The following CPNE4 variants were observed in gnomAD, a reference collection of about 807,000 sequenced individuals.
CPNE4 encodes copine-4.
Under a neutral mutation model 67.9 loss-of-function variants are expected in CPNE4, and 25 were observed. The ratio of observed to expected loss-of-function variants is 0.37; its 90% CI spans 0.27 to 0.51. CPNE4 has a LOEUF of 0.51. CPNE4 is among the 20% of genes least tolerant of loss of function. The pLI is 0.93. For synonymous variants in CPNE4, 242 were observed against 244.9 expected (o/e 0.99, Z 0.11); for missense variants, 464 against 690.8 (o/e 0.67, Z 3.68).
chr3:131,541,747 T>C (rs1301261855), intron 15 of CPNE4, among the ~76,000 whole-genome samples: 4 of 151,668 alleles, frequency 2.6e-5, no homozygotes, highest in Non-Finnish European at 5.9e-5. Flanking sequence ...CTCGGCTCAC[T>C]GCAACCTCCA....
In CPNE4 at chr3:131,801,372, CATAT is replaced by C. The variant is rs201764210; in HGVS notation, c.181-77751_181-77748del. Among the ~76,000 whole-genome samples the C allele has an allele frequency of 7.0e-5, 6 of 86,212 alleles. No homozygotes were observed. The Admixed American group carries it at 8.4e-4, about 12-fold the overall frequency. The allele number at this position is 86,212 out of a possible 152,430, so 56.6% of individuals were successfully genotyped here. A position where few individuals can be genotyped will look rare whatever the true frequency, so the allele number is the denominator to read the frequency against. On this transcript the variant is annotated intron_variant, in intron 2 of 15. Coordinates refer to ENST00000429747, the MANE Select transcript of CPNE4 (RefSeq NM_130808.3). ...ATATGTACCATATATATATATGTAC[CATAT>C]ATATATATATGGTACATATATATAT... is the stretch of plus-strand genomic sequence containing the variant.
At chr3:131,656,488 G>T (rs2079970179) in intron 7 of CPNE4, among the ~76,000 whole-genome samples, 1 of 152,144 alleles carries the variant, frequency 6.6e-6, no homozygotes, top group South Asian at 2.1e-4. Flanking sequence ...CTGGTACAAT[G>T]TCATCAATGG....
intron 2 of CPNE4, among the ~76,000 whole-genome samples, chr3:131,860,301 C>T (rs577470679): frequency 6.1e-4 from 93 of 152,198 alleles, no homozygotes; most frequent in African/African-American, 2.0e-3. Context: ...ATTTTAGAAA[C>T]GGTACATATA....
chr3:131,953,909 CAAAG>C (rs2071856253), intron 1 of CPNE4, among the ~76,000 whole-genome samples: 1 of 152,034 alleles, frequency 6.6e-6, no homozygotes, highest in Non-Finnish European at 1.5e-5. Flanking sequence ...TTTCCTAACA[CAAAG>C]AAAGGAAAAC....
At chr3:131,943,986 T>A (rs1242903006) in intron 1 of CPNE4, among the ~76,000 whole-genome samples, 2 of 152,128 alleles carry the variant, frequency 1.3e-5, no homozygotes, top group African/African-American at 2.4e-5. Context: ...GCCACATACA[T>A]ATCTTAATTC....
intron 2 of CPNE4, among the ~76,000 whole-genome samples, chr3:131,731,783 G>A (rs990405376): frequency 6.6e-6 from 1 of 152,076 alleles, no homozygotes; most frequent in Non-Finnish European, 1.5e-5. Context: ...TAGCCACATG[G>A]GGACAGTACT....
chr3:131,927,777 A>T (rs1490334814), intron 1 of CPNE4, among the ~76,000 whole-genome samples: 4 of 152,132 alleles, frequency 2.6e-5, no homozygotes, highest in Admixed American at 2.6e-4. Flanking sequence ...TACTTCCCTC[A>T]TCGCCACCAT....
At chr3:131,796,775 C>T (rs1177624100) in intron 2 of CPNE4, among the ~76,000 whole-genome samples, 1 of 152,134 alleles carries the variant, frequency 6.6e-6, no homozygotes, top group Admixed American at 6.5e-5. Context: ...ACAGAAACCT[C>T]CCACTCAAAG....
chr3:131,991,896 G>C (rs1344340108), intron 1 of CPNE4, among the ~76,000 whole-genome samples: 2 of 136,290 alleles, frequency 1.5e-5, no homozygotes, highest in African/African-American at 4.9e-5. Flanking sequence ...TCAGGCTGTG[G>C]CTTCAGAGGG....
intron 2 of CPNE4, among the ~76,000 whole-genome samples, chr3:131,774,733 C>CT (rs2083253949): frequency 1.3e-5 from 2 of 152,094 alleles, no homozygotes; most frequent in Admixed American, 1.3e-4. Context: ...CCTTTGCTGC[C>CT]TTTCACTTCC....
intron 1 of CPNE4, among the ~76,000 whole-genome samples, chr3:131,935,231 C>T (rs1010074838): frequency 1.3e-5 from 2 of 151,958 alleles, no homozygotes; most frequent in South Asian, 2.1e-4. Context: ...CAGGCAGTTG[C>T]AATGGATTGA....
At chr3:131,790,756 A>G (rs1443284969) in intron 2 of CPNE4, among the ~76,000 whole-genome samples, 1 of 152,138 alleles carries the variant, frequency 6.6e-6, no homozygotes, top group Admixed American at 6.6e-5. Context: ...TTTATTTGAG[A>G]AAAAAACCCC....
At chr3:131,572,372 G>C (rs114885845) in intron 10 of CPNE4, among the ~76,000 whole-genome samples, 1 of 152,084 alleles carries the variant, frequency 6.6e-6, no homozygotes, top group Non-Finnish European at 1.5e-5. Context: ...TCAGGACAGG[G>C]CACCTGACAG....
At chr3:131,687,935 C>T (rs1420725494) in intron 5 of CPNE4, among the ~76,000 whole-genome samples, 1 of 152,052 alleles carries the variant, frequency 6.6e-6, no homozygotes. Context: ...GGGGGATACC[C>T]CAAGTAATTT....
chr3:131,575,547 T>C (rs943805391), intron 9 of CPNE4, among the ~76,000 whole-genome samples: 1 of 152,154 alleles, frequency 6.6e-6, no homozygotes, highest in Non-Finnish European at 1.5e-5. Flanking sequence ...TAGGCAGTTT[T>C]AAAATACCAT....
At chr3:131,872,678 G>A (rs569195854) in intron 2 of CPNE4, among the ~76,000 whole-genome samples, 1 of 152,312 alleles carries the variant, frequency 6.6e-6, no homozygotes, top group African/African-American at 2.4e-5. Flanking sequence ...AGTATAAAAA[G>A]CAGTATGACT....
chr3:132,010,700 G>T (rs573392386), intron 1 of CPNE4, among the ~76,000 whole-genome samples: 3 of 152,150 alleles, frequency 2.0e-5, no homozygotes, highest in East Asian at 1.9e-4. Context: ...CAGAGGGGCC[G>T]TGACTCTCTT....
intron 7 of CPNE4, among the ~76,000 whole-genome samples, chr3:131,643,439 C>T (rs1263367417): frequency 6.6e-6 from 1 of 152,204 alleles, no homozygotes; most frequent in Non-Finnish European, 1.5e-5. Context: ...CCTGTACCCT[C>T]ATTGCATCTA....
intron 3 of CPNE4, among the ~76,000 whole-genome samples, chr3:131,703,847 A>G (rs1470382273): frequency 6.6e-6 from 1 of 152,250 alleles, no homozygotes; most frequent in Non-Finnish European, 1.5e-5. Flanking sequence ...CTTACAATGT[A>G]GTGAAATCTC....
Sources: gnomAD v4.1 joint callset for allele counts (sites outside exome capture counted in the v4.1 genomes callset) on GRCh38, gnomAD v4.1.1 for gene constraint, MANE v1.5 for transcripts, NCBI Gene and HGNC (gene_info 2026-07-23, HGNC 2026-07-21) for gene names.